TBC1D4: variants seen among roughly 807,000 people sequenced by gnomAD.
TBC1D4 encodes the protein TBC1 domain family member 4, also known as TBC (Tre-2, BUB2, CDC16) domain-containing protein.
A neutral mutation model predicts 142.5 loss-of-function variants in TBC1D4; 121 were observed. The ratio of observed to expected loss-of-function variants is 0.85; its 90% confidence interval spans 0.73 to 0.99. The LOEUF (loss-of-function observed/expected upper bound fraction) is 0.99, where lower values mean the gene tolerates loss of function less well. Ranked by LOEUF, TBC1D4 falls within the 50% of genes least tolerant of loss-of-function variation. The pLI is 0.00. For missense variants in TBC1D4, 1,475 were observed against 1,606.6 expected (o/e 0.92, Z 1.40); for synonymous variants, 630 against 628.2 (o/e 1.00, Z -0.04).
At chr13:75,417,374 G>A (rs559865471) in intron 1 of TBC1D4, among the ~76,000 whole-genome samples, 1 of 152,296 alleles carries the variant, frequency 6.6e-6, no homozygotes, top group African/African-American at 2.4e-5. Flanking sequence ...TGCTACCTGG[G>A]AGGAGTAACA....
At chr13:75,416,749 C>T (rs1352456058) in intron 1 of TBC1D4, among the ~76,000 whole-genome samples, 2 of 152,148 alleles carry the variant, frequency 1.3e-5, no homozygotes, top group African/African-American at 4.8e-5. Flanking sequence ...TCGGTAAATA[C>T]CCAGTCTATG....
chr13:75,331,959 C>T (rs1879784854), intron 8 of TBC1D4, among the ~76,000 whole-genome samples: 1 of 151,960 alleles, frequency 6.6e-6, no homozygotes, highest in Admixed American at 6.6e-5. Flanking sequence ...CTGTTGCACA[C>T]GGTACAAGCA....
At position 75,362,620 on chromosome 13, in the gene TBC1D4, A is replaced by ATT. The variant is rs1333301457; in HGVS notation, c.499-15_499-14dup. On this transcript the variant is annotated splice_polypyrimidine_tract_variant and intron_variant, in intron 1 of 20. Transcript: ENST00000377636. This position sits in a 1 kb window ranked among gnomAD's most constrained non-coding sequence, Gnocchi z 4.2. ...TAACATCAGGAACCTGGGGGAAAAA[A>ATT]TTAAAACCCTGATTCTAGTTGAAAG... 3 of 1,613,454 alleles carry ATT rather than the reference A, an allele frequency of 1.9e-6. No individual in the cohort carries two copies. In the Admixed American group the frequency reaches 5.0e-5, roughly 27 times the overall value.
intron 1 of TBC1D4, among the ~76,000 whole-genome samples, chr13:75,380,142 G>A (rs568373422): frequency 7.1e-4 from 107 of 151,408 alleles, no homozygotes; most frequent in African/African-American, 2.5e-3. Context: ...GCTTCCCAAA[G>A]TGCTGGGATT....
chr13:75,438,157 T>G (rs148976234), intron 1 of TBC1D4, among the ~76,000 whole-genome samples: 43 of 152,340 alleles, frequency 2.8e-4, no homozygotes, highest in African/African-American at 1.0e-3. Context: ...TGAATTCTCC[T>G]AGTCAAGCTT....
At chr13:75,350,536 T>C (rs960627578) in intron 4 of TBC1D4, among the ~76,000 whole-genome samples, 7 of 152,216 alleles carry the variant, frequency 4.6e-5, no homozygotes, top group Non-Finnish European at 1.5e-5. Context: ...CAAAAACTAA[T>C]AATTTCTAAT....
intron 1 of TBC1D4, among the ~76,000 whole-genome samples, chr13:75,463,811 TCCCCCAA>T (rs1888065574): frequency 6.6e-6 from 1 of 151,932 alleles, no homozygotes; most frequent in South Asian, 2.1e-4. Flanking sequence ...TCTCCCACAT[TCCCCCAA>T]CCAGCCTTCC....
chr13:75,322,934 C>T (rs1325235991), intron 11 of TBC1D4, among the ~76,000 whole-genome samples: 1 of 152,122 alleles, frequency 6.6e-6, no homozygotes, highest in Non-Finnish European at 1.5e-5. Flanking sequence ...CACTATAAAT[C>T]AAATTCACTG....
At chr13:75,446,687 G>A (rs1338033279) in intron 1 of TBC1D4, among the ~76,000 whole-genome samples, 1 of 152,190 alleles carries the variant, frequency 6.6e-6, no homozygotes, top group Non-Finnish European at 1.5e-5. Flanking sequence ...GACTTGATGT[G>A]ACATTGAACA....
chr13:75,390,640 C>T (rs1884423511), intron 1 of TBC1D4, among the ~76,000 whole-genome samples: 1 of 151,960 alleles, frequency 6.6e-6, no homozygotes, highest in Non-Finnish European at 1.5e-5. Context: ...TTCCTCAAGA[C>T]TTGGAATGAT....
chr13:75,415,590 T>G (rs1885885534), intron 1 of TBC1D4, among the ~76,000 whole-genome samples: 1 of 152,234 alleles, frequency 6.6e-6, no homozygotes, highest in East Asian at 1.9e-4. Flanking sequence ...TCCAAACTGA[T>G]TCTGTTGCTT....
chr13:75,327,928 T>C, intron 8 of TBC1D4, 102 bp from the exon 9 acceptor site: 2 of 1,180,682 alleles, frequency 1.7e-6, no homozygotes, highest in Non-Finnish European at 1.3e-6. Context: ...AGCATTAAAT[T>C]GATCATTTTG....
At chr13:75,433,829 C>T (rs1377467821) in intron 1 of TBC1D4, among the ~76,000 whole-genome samples, 1 of 152,030 alleles carries the variant, frequency 6.6e-6, no homozygotes, top group Non-Finnish European at 1.5e-5. Context: ...AAGGGAAAAA[C>T]AACCCCTTTA....
At chr13:75,302,217 A>G (rs1876634919) in intron 16 of TBC1D4, 26 bp downstream of exon 16, 4 of 1,613,882 alleles carry the variant, frequency 2.5e-6, no homozygotes, top group Middle Eastern at 1.6e-4. Context: ...TACTTTTGTA[A>G]ATTATAATCC....
chr13:75,289,621 A>C (rs1875064823), intron 19 of TBC1D4, among the ~76,000 whole-genome samples: 2 of 152,200 alleles, frequency 1.3e-5, no homozygotes, highest in Admixed American at 1.3e-4. Context: ...GAAAGATCTT[A>C]ATAAAATTTT....
At chr13:75,299,610 G>C in intron 16 of TBC1D4, 36 bp from the exon 17 acceptor site, 1 of 1,611,966 alleles carries the variant, frequency 6.2e-7, no homozygotes, top group Non-Finnish European at 8.5e-7. Flanking sequence ...TTTTTGAAAT[G>C]TCCTCATGCC....
intron 1 of TBC1D4, among the ~76,000 whole-genome samples, chr13:75,478,847 C>T (rs1053771262): frequency 5.9e-5 from 9 of 152,186 alleles, no homozygotes; most frequent in South Asian, 2.1e-4. Context: ...TCAATGACTG[C>T]GCTTGTCCAC....
At chr13:75,294,727 A>C in intron 18 of TBC1D4, 127 bp downstream of exon 18, 3 of 975,874 alleles carry the variant, frequency 3.1e-6, no homozygotes, top group Non-Finnish European at 3.0e-6. Context: ...CATTTATTAA[A>C]TTCCATTAGC....
At chr13:75,303,295 A>C (rs964081132) in intron 15 of TBC1D4, among the ~76,000 whole-genome samples, 3 of 152,060 alleles carry the variant, frequency 2.0e-5, no homozygotes, top group African/African-American at 4.8e-5. Context: ...CCAGCCTGGG[A>C]GACACAGCGA....
Sources: gnomAD v4.1 joint callset for allele counts (sites outside exome capture counted in the v4.1 genomes callset) on GRCh38, gnomAD v4.1.1 for gene constraint, Gnocchi (gnomAD v3.1) non-coding constraint, MANE v1.5 for transcripts, NCBI Gene and HGNC (gene_info 2026-07-23, HGNC 2026-07-21) for gene names.